The following SLC12A7 variants were observed in gnomAD, a reference collection of about 807,000 sequenced individuals.
SLC12A7 encodes the protein K-Cl cotransporter 4.
SLC12A7 carries 100 observed loss-of-function variants against 120.6 expected under a neutral mutation model. The observed-to-expected ratio is 0.83, with a 90% CI of 0.71 to 0.98. SLC12A7 has a LOEUF of 0.98. Among genes scored for constraint, SLC12A7 ranks in the 50% least tolerant of loss-of-function variants. The pLI is 0.00. For missense variants in SLC12A7, 1,373 were observed against 1,548.1 expected (o/e 0.89, Z 1.90); for synonymous variants, 760 against 678.0 (o/e 1.12, Z -1.88).
At chr5:1,077,783 C>A (rs1738529599) in intron 12 of SLC12A7, 50 bp downstream of exon 12, 8 of 1,496,646 alleles carry the variant, frequency 5.3e-6, no homozygotes, top group Non-Finnish European at 7.1e-6. Flanking sequence ...GGGAGGAGAG[C>A]CCCCGACCCT....
intron 17 of SLC12A7, 52 bp downstream of exon 17, chr5:1,073,581 T>C: frequency 6.5e-7 from 1 of 1,546,360 alleles, no homozygotes; most frequent in Non-Finnish European, 8.7e-7. Context: ...GCACGTTTCC[T>C]GTGCAGCTGG....
chr5:1,092,385 G>A (rs1009629114), intron 3 of SLC12A7, among the ~76,000 whole-genome samples: 2 of 152,188 alleles, frequency 1.3e-5, no homozygotes, highest in African/African-American at 2.4e-5. Context: ...CTTGGTGGAG[G>A]TCACACGCAG....
At chr5:1,148,173 G>C in the SLC12A7 span, among the ~76,000 whole-genome samples, 422 of 146,940 alleles carry the variant, frequency 2.9e-3, 2 homozygotes, top group Middle Eastern at 0.014. Flanking sequence ...TACAGAGTTT[G>C]CTTTTTTTTG....
chr5:1,141,813 G>A, the SLC12A7 span, among the ~76,000 whole-genome samples: 1 of 152,206 alleles, frequency 6.6e-6, no homozygotes, highest in Non-Finnish European at 1.5e-5. Context: ...AGACAAGAGG[G>A]TTCGCCGGGA....
chr5:1,124,472 CA>C, the SLC12A7 span, among the ~76,000 whole-genome samples: 1 of 152,180 alleles, frequency 6.6e-6, no homozygotes, highest in East Asian at 1.9e-4. Context: ...ACACTGTCTT[CA>C]AAAATGAAGG....
intron 9 of SLC12A7, 118 bp from the exon 10 acceptor site, chr5:1,079,614 G>A: frequency 1.3e-6 from 1 of 796,614 alleles, no homozygotes; most frequent in Non-Finnish European, 2.1e-6. Context: ...GTGAGCTGCA[G>A]CCGAGGCTGC....
At chr5:1,108,636 A>G (rs1474621965) in intron 1 of SLC12A7, among the ~76,000 whole-genome samples, 1 of 152,138 alleles carries the variant, frequency 6.6e-6, no homozygotes, top group Non-Finnish European at 1.5e-5. Flanking sequence ...CCCCCTATCT[A>G]ATGCGTGATC....
chr5:1,108,828 G>A (rs566758687), intron 1 of SLC12A7, among the ~76,000 whole-genome samples: 22 of 152,248 alleles, frequency 1.4e-4, no homozygotes, highest in Admixed American at 1.0e-3. Flanking sequence ...ACACGGACAC[G>A]GTAGGTAGTT....
intron 17 of SLC12A7, among the ~76,000 whole-genome samples, chr5:1,069,185 C>T (rs977027668): frequency 2.6e-5 from 4 of 152,268 alleles, no homozygotes; most frequent in Non-Finnish European, 4.4e-5. Flanking sequence ...ACCTGTGCAA[C>T]AGCCTGAGAA....
chr5:1,067,661 C>T (rs544401563), intron 17 of SLC12A7, among the ~76,000 whole-genome samples: 73 of 152,262 alleles, frequency 4.8e-4, no homozygotes, highest in Non-Finnish European at 9.0e-4. Context: ...CTCACCCCCA[C>T]GTGCTGGCTC....
At chr5:1,079,310 C>T in intron 10 of SLC12A7, 88 bp downstream of exon 10, 1 of 1,019,392 alleles carries the variant, frequency 9.8e-7, no homozygotes, top group Non-Finnish European at 1.5e-6. Context: ...ATGCTGGTGG[C>T]CGAGGGTATG....
chr5:1,073,944 G>C, intron 16 of SLC12A7, 143 bp from the exon 17 acceptor site: 1 of 766,026 alleles, frequency 1.3e-6, no homozygotes, highest in South Asian at 5.6e-5. Flanking sequence ...GGACAAAAGG[G>C]GCAGGTGACA....
chr5:1,056,526 A>G (rs1735628528), intron 22 of SLC12A7: 4 of 918,404 alleles, frequency 4.4e-6, no homozygotes, highest in Non-Finnish European at 5.2e-6. Context: ...ACACACACAC[A>G]GGCATGCAGG....
chr5:1,108,029 T>TACACACACAAAC (rs138331502), intron 1 of SLC12A7, among the ~76,000 whole-genome samples: 3 of 151,378 alleles, frequency 2.0e-5, no homozygotes, highest in Non-Finnish European at 4.4e-5. Context: ...AACACACACA[T>TACACACACAAAC]ACACACACAC....
At chr5:1,123,954 G>T in the SLC12A7 span, among the ~76,000 whole-genome samples, 1 of 152,206 alleles carries the variant, frequency 6.6e-6, no homozygotes, top group Non-Finnish European at 1.5e-5. Context: ...ACGAGGTCAG[G>T]CCAATACGCT....
chr5:1,140,498 G>A, the SLC12A7 span, among the ~76,000 whole-genome samples: 1 of 31,582 alleles, frequency 3.2e-5, no homozygotes, highest in African/African-American at 6.4e-4. Context: ...CTGCTGGTGA[G>A]GGGGGGTGCT....
At chr5:1,094,864 G>C (rs1740931339) in intron 1 of SLC12A7, among the ~76,000 whole-genome samples, 1 of 152,162 alleles carries the variant, frequency 6.6e-6, no homozygotes, top group Non-Finnish European at 1.5e-5. Context: ...CCCTCCATGG[G>C]GCTGAGCCCA....
the SLC12A7 span, among the ~76,000 whole-genome samples, chr5:1,121,831 G>A: frequency 6.6e-6 from 1 of 152,206 alleles, no homozygotes; most frequent in African/African-American, 2.4e-5. Context: ...CCCAGACTCA[G>A]GAGGGGCTGT....
rs11952124 is a variant in SLC12A7, at chr5:1,076,344, G to T, written c.1749-108C>A. 0.84 allele frequency: 716,364 copies of T among 856,704 alleles called. 308,452 individuals are homozygous for T. Among genetic ancestry groups the T allele is most frequent in the East Asian group, 0.93 (34,995 of 37,434 alleles). The allele number at this position is 856,704 out of a possible 1,614,324, so 53.1% of individuals were successfully genotyped here. On this transcript the variant is annotated intron_variant, in intron 13 of 23. Coordinates refer to ENST00000264930, the MANE Select transcript of SLC12A7 (RefSeq NM_006598.3). ...TCACTGTCCCTCCCACCTGCGCCTTGTCTCCCCATGTCTGTCTCTGCACGT... is the reference window on the plus strand; with the variant it reads ...TCACTGTCCCTCCCACCTGCGCCTTTTCTCCCCATGTCTGTCTCTGCACGT...
Sources: allele counts gnomAD v4.1 joint callset (sites outside exome capture counted in the v4.1 genomes callset), GRCh38; gene constraint gnomAD v4.1.1; transcripts MANE v1.5; gene names NCBI Gene and HGNC (gene_info 2026-07-23, HGNC 2026-07-21).